FSTL5: variants seen among roughly 807,000 people sequenced by gnomAD.
FSTL5 encodes follistatin-related protein 5.
FSTL5 carries 62 observed loss-of-function variants against 89.1 expected under a neutral mutation model. The ratio of observed to expected loss-of-function variants is 0.70; its 90% CI spans 0.57 to 0.86. The LOEUF (loss-of-function observed/expected upper bound fraction) is 0.86, where lower values mean the gene tolerates loss of function less well. Among genes scored for constraint, FSTL5 ranks in the 40% least tolerant of loss-of-function variants. The pLI, the probability that FSTL5 is intolerant of heterozygous loss-of-function variation, is 0.00. For synonymous variants in FSTL5, 383 were observed against 346.2 expected (o/e 1.11, Z -1.18); for missense variants, 1,057 against 1,001.6 (o/e 1.06, Z -0.75).
At chr4:161,642,068 C>T (rs889084635) in intron 7 of FSTL5, among the ~76,000 whole-genome samples, 1 of 152,048 alleles carries the variant, frequency 6.6e-6, no homozygotes, top group Non-Finnish European at 1.5e-5. Context: ...AAAATTTATA[C>T]ATTTAAGAGA....
chr4:161,475,949 T>A (rs1734119819), intron 13 of FSTL5, among the ~76,000 whole-genome samples: 1 of 151,938 alleles, frequency 6.6e-6, no homozygotes, highest in Non-Finnish European at 1.5e-5. Context: ...GAGACGGGGT[T>A]CCACCGTGTT....
chr4:161,775,258 A>C (rs1741365520), intron 5 of FSTL5, among the ~76,000 whole-genome samples: 1 of 152,166 alleles, frequency 6.6e-6, no homozygotes, highest in African/African-American at 2.4e-5. Context: ...CAGCAAAATC[A>C]TCAGTGCTGT....
chr4:161,705,975 T>C (rs1270579276), intron 6 of FSTL5, among the ~76,000 whole-genome samples: 1 of 89,294 alleles, frequency 1.1e-5, no homozygotes, highest in Admixed American at 1.1e-4. Flanking sequence ...TATATATATA[T>C]ATATATATAT....
chr4:161,954,242 C>T (rs1734971756), intron 3 of FSTL5, among the ~76,000 whole-genome samples: 1 of 151,458 alleles, frequency 6.6e-6, no homozygotes, highest in South Asian at 2.1e-4. Context: ...AAGTGAAAAA[C>T]AAGTGGCATT....
intron 8 of FSTL5, among the ~76,000 whole-genome samples, chr4:161,571,699 A>C (rs1401531080): frequency 6.6e-6 from 1 of 152,178 alleles, no homozygotes; most frequent in African/African-American, 2.4e-5. Flanking sequence ...CAGAAACATT[A>C]ATCTCAATTT....
intron 3 of FSTL5, among the ~76,000 whole-genome samples, chr4:161,956,376 A>G (rs879719376): frequency 1.3e-5 from 2 of 151,904 alleles, no homozygotes; most frequent in Non-Finnish European, 2.9e-5. Context: ...CTTTGCACCT[A>G]TTATATAAAA....
chr4:161,635,768 G>A (rs770476036), intron 7 of FSTL5, among the ~76,000 whole-genome samples: 6 of 152,070 alleles, frequency 3.9e-5, no homozygotes, highest in Non-Finnish European at 7.4e-5. Flanking sequence ...TGAAAGAAAT[G>A]TTATATATCA....
chr4:162,076,078 A>G (rs1729826511), intron 2 of FSTL5, among the ~76,000 whole-genome samples: 1 of 151,824 alleles, frequency 6.6e-6, no homozygotes, highest in Admixed American at 6.6e-5. Context: ...TAGATGGGAG[A>G]AAATAGAAAC....
chr4:161,613,998 G>A (rs1252817157), intron 7 of FSTL5, among the ~76,000 whole-genome samples: 1 of 152,010 alleles, frequency 6.6e-6, no homozygotes, highest in Non-Finnish European at 1.5e-5. Flanking sequence ...TATGTTTGAA[G>A]ATATACAATT....
intron 8 of FSTL5, among the ~76,000 whole-genome samples, chr4:161,543,224 A>G (rs942940466): frequency 6.6e-6 from 1 of 152,038 alleles, no homozygotes; most frequent in African/African-American, 2.4e-5. Flanking sequence ...TTCACCAAAG[A>G]CATGCAAAAC....
At chr4:161,798,053 T>C (rs1729686801) in intron 4 of FSTL5, among the ~76,000 whole-genome samples, 1 of 151,676 alleles carries the variant, frequency 6.6e-6, no homozygotes, top group Non-Finnish European at 1.5e-5. Context: ...GTCTTCAATA[T>C]ATTAACCTAT....
At chr4:161,766,909 T>TCGA (rs1560833626) in intron 5 of FSTL5, among the ~76,000 whole-genome samples, 7 of 44,772 alleles carry the variant, frequency 1.6e-4, no homozygotes, top group African/African-American at 1.1e-3. Flanking sequence ...GATAGATCGA[T>TCGA]TGATAGATAG....
rs772699258 is a variant in FSTL5, at chr4:161,739,996, C to CTATCTATT, written c.727+19414_727+19415insAATAGATA. Among the ~76,000 whole-genome samples the CTATCTATT allele has an allele frequency of 9.8e-4, 147 of 149,488 alleles. 4 individuals carry two copies. The South Asian group carries it at 0.026, about 26-fold the overall frequency. ...TAATGTGTTCAAAATAGGATAGTATCTATTTATTTATTTATTTATTTATTT... is the reference window on the plus strand; with the variant it reads ...TAATGTGTTCAAAATAGGATAGTATCTATCTATTTATTTATTTATTTATTTATTTATTT... On this transcript the variant is annotated intron_variant, in intron 6 of 15. Coordinates refer to ENST00000306100, the MANE Select transcript of FSTL5 (RefSeq NM_020116.5).
At chr4:161,571,066 G>T (rs976520329) in intron 8 of FSTL5, among the ~76,000 whole-genome samples, 1 of 151,790 alleles carries the variant, frequency 6.6e-6, no homozygotes, top group African/African-American at 2.4e-5. Flanking sequence ...CCAAGATCAC[G>T]CCACTGCATT....
chr4:162,152,620 C>G (rs569715373), intron 1 of FSTL5, among the ~76,000 whole-genome samples: 1 of 152,166 alleles, frequency 6.6e-6, no homozygotes, highest in African/African-American at 2.4e-5. Context: ...GTGTTGTAAG[C>G]ATTTCTCTTT....
chr4:162,050,804 G>C (rs1341342419), intron 2 of FSTL5, among the ~76,000 whole-genome samples: 1 of 151,192 alleles, frequency 6.6e-6, no homozygotes, highest in African/African-American at 2.4e-5. Context: ...CCTTTGATGG[G>C]AAGATATAAA....
chr4:161,395,444 A>G (rs971774199), intron 15 of FSTL5, among the ~76,000 whole-genome samples: 2 of 152,136 alleles, frequency 1.3e-5, no homozygotes, highest in African/African-American at 4.8e-5. Flanking sequence ...TATTGCAATT[A>G]AAAATGACTG....
At chr4:161,639,132 T>G (rs1404712827) in intron 7 of FSTL5, among the ~76,000 whole-genome samples, 2 of 152,166 alleles carry the variant, frequency 1.3e-5, no homozygotes, top group Non-Finnish European at 1.5e-5. Flanking sequence ...CAACATAGTG[T>G]TGGAATTCTG....
chr4:161,571,736 A>C (rs1022008873), intron 8 of FSTL5, among the ~76,000 whole-genome samples: 2 of 152,178 alleles, frequency 1.3e-5, no homozygotes, highest in Non-Finnish European at 2.9e-5. Flanking sequence ...TAAAGAATAT[A>C]TGGCAACTGA....
Sources: gnomAD v4.1 joint callset for allele counts (sites outside exome capture counted in the v4.1 genomes callset) on GRCh38, gnomAD v4.1.1 for gene constraint, MANE v1.5 for transcripts, NCBI Gene and HGNC (gene_info 2026-07-23, HGNC 2026-07-21) for gene names.